Variants in CBLB observed in about 807,000 individuals in gnomAD.
The protein encoded by CBLB is Cbl proto-oncogene B, also known as E3 ubiquitin-protein ligase CBL-B.
CBLB carries 31 observed loss-of-function variants against 104.9 expected under a neutral mutation model. That is an observed-to-expected ratio of 0.30 (90% confidence interval 0.22 to 0.40). The LOEUF (loss-of-function observed/expected upper bound fraction) is 0.40, where lower values mean the gene tolerates loss of function less well. CBLB is among the 10% of genes least tolerant of loss of function. CBLB has a pLI of 1.00. For missense variants in CBLB, 1,062 were observed against 1,214.6 expected (o/e 0.87, Z 1.87); for synonymous variants, 440 against 422.6 (o/e 1.04, Z -0.51).
At chr3:105,829,108 A>G (rs1443103) in intron 3 of CBLB, among the ~76,000 whole-genome samples, 118,418 of 151,616 alleles carry the variant, frequency 0.78, 46,988 homozygotes, top group Non-Finnish European at 0.86. Flanking sequence ...CTGTCCTCCC[A>G]TGTAATGAAT....
intron 4 of CBLB, among the ~76,000 whole-genome samples, chr3:105,755,325 G>A (rs1291853378): frequency 6.6e-6 from 1 of 152,078 alleles, no homozygotes; most frequent in Non-Finnish European, 1.5e-5. Flanking sequence ...CAGATGCAGG[G>A]AAATAAATCT....
chr3:105,745,121 G>A, intron 6 of CBLB, among the ~76,000 whole-genome samples: 1 of 152,294 alleles, frequency 6.6e-6, no homozygotes, highest in East Asian at 1.9e-4. Context: ...TCTGAAATGT[G>A]AGGACTCTGA....
chr3:105,776,844 T>C (rs1360603671), intron 3 of CBLB, among the ~76,000 whole-genome samples: 1 of 152,006 alleles, frequency 6.6e-6, no homozygotes, highest in African/African-American at 2.4e-5. Flanking sequence ...AGATGGACAC[T>C]TAAAAAATTA....
intron 6 of CBLB, among the ~76,000 whole-genome samples, chr3:105,742,542 A>T (rs2075713162): frequency 6.6e-6 from 1 of 152,206 alleles, no homozygotes; most frequent in African/African-American, 2.4e-5. Context: ...GGCATTCTTA[A>T]TCAAAATCAG....
At chr3:105,854,127 A>T (rs2091293189) in intron 2 of CBLB, among the ~76,000 whole-genome samples, 1 of 152,166 alleles carries the variant, frequency 6.6e-6, no homozygotes, top group African/African-American at 2.4e-5. Flanking sequence ...AACCCCGAGG[A>T]CAATAAAACA....
intron 17 of CBLB, chr3:105,672,412 T>C (rs1323284949): frequency 5.7e-6 from 1 of 176,822 alleles, no homozygotes; most frequent in Non-Finnish European, 1.2e-5. Flanking sequence ...TTGTCAGCCA[T>C]AGGGTAAACT....
Position 105,734,051 on chromosome 3 carries a change from A to T in CBLB, c.1161T>A (p.Pro387=). 1 of 1,614,074 alleles carries T rather than the reference A, an allele frequency of 6.2e-7. No individual in the cohort carries two copies. The highest frequency in any genetic ancestry group is 1.3e-5 in the African/African-American group (1 of 75,052). Residue 387 remains proline (P), a synonymous_variant, in exon 9 of 19, where the codon CCT becomes CCA. Coordinates refer to ENST00000394030, the MANE Select transcript of CBLB (RefSeq NM_170662.5). ...AAGAGGTGCACATCAAATGCCCACA[A>T]GGCTCAATCTTGACATCTTTGTCAT... ...AENDKDVKIE[P]CGHLMCTSCL...
chr3:105,682,180 T>C (rs987431930), intron 14 of CBLB: 15 of 219,834 alleles, frequency 6.8e-5, no homozygotes, highest in African/African-American at 2.3e-4. Flanking sequence ...CAAAAACATA[T>C]AGCAGTCTCA....
chr3:105,834,612 C>G (rs1215369268), intron 3 of CBLB, among the ~76,000 whole-genome samples: 1 of 151,988 alleles, frequency 6.6e-6, no homozygotes, highest in Non-Finnish European at 1.5e-5. Flanking sequence ...GACAAGATTG[C>G]GCCACTGCAC....
rs1484854521 is a variant in CBLB, at chr3:105,720,142, T to C, written c.1312A>G (p.Ile438Val). The change falls in exon 10 of 19, where the codon ATC (isoleucine) becomes GTC (valine). Residue 438 changes from isoleucine to valine, a missense_variant. By Grantham distance (29) the Ile-to-Val change is conservative. This residue lies in a region of CBLB where 457 missense variants were observed against 632.0 expected (regional missense o/e 0.72). Coordinates refer to ENST00000394030, the MANE Select transcript of CBLB (RefSeq NM_170662.5). ...PRDEGSRCCS[I>V]IDPFGMPMLD... ...ATCGGCATGCCAAAGGGGTCAATGA[T>C]GCTGCAACACCTGGAGCCTTCATCT... The C allele has an allele frequency of 6.2e-7, 1 of 1,613,966 alleles. No homozygotes were observed. The highest frequency in any genetic ancestry group is 1.7e-5 in the Admixed American group (1 of 59,994).
chr3:105,798,893 G>T (rs1018700194), intron 3 of CBLB, among the ~76,000 whole-genome samples: 4 of 152,140 alleles, frequency 2.6e-5, no homozygotes, highest in African/African-American at 9.7e-5. Context: ...TTATGCTGTT[G>T]TTCTGGATGG....
Position 105,657,566 on chromosome 3 carries a change from G to A in CBLB, c.*1404C>T, listed in dbSNP as rs566116983. 2 of 204,062 alleles carry A rather than the reference G, an allele frequency of 9.8e-6. No individual in the cohort carries two copies. The highest frequency in any genetic ancestry group is 2.3e-5 in the African/African-American group (1 of 43,750). 12.6% of individuals were successfully genotyped at this position (204,062 alleles called of 1,614,324 possible). On this transcript the variant is annotated 3_prime_UTR_variant, in exon 19 of 19. Coordinates refer to ENST00000394030, the MANE Select transcript of CBLB (RefSeq NM_170662.5). ...CAGAAAAACAAAAATAAAACATTAC[G>A]CTGGAATCAGCTTTTGAGAGTTTGT...
chr3:105,829,289 G>A (rs868828042), intron 3 of CBLB, among the ~76,000 whole-genome samples: 6 of 151,970 alleles, frequency 3.9e-5, no homozygotes, highest in South Asian at 4.2e-4. Context: ...TAAAATAAAC[G>A]TAACGAATAC....
chr3:105,805,321 G>A (rs866857700), intron 3 of CBLB, among the ~76,000 whole-genome samples: 4 of 58,664 alleles, frequency 6.8e-5, no homozygotes, highest in African/African-American at 2.9e-4. Context: ...TTTTTTTTTT[G>A]AGAGGGAGTC....
chr3:105,786,061 C>CGGGGGGGGGGGGGG (rs76857199), intron 3 of CBLB, among the ~76,000 whole-genome samples: 1 of 79,194 alleles, frequency 1.3e-5, no homozygotes, highest in African/African-American at 4.3e-5. Context: ...GTGAGAGGAT[C>CGGGGGGGGGGGGGG]GGGGGGGGGA....
At chr3:105,810,502 T>A (rs1019820427) in intron 3 of CBLB, among the ~76,000 whole-genome samples, 6 of 152,108 alleles carry the variant, frequency 3.9e-5, no homozygotes, top group African/African-American at 1.4e-4. Context: ...TTTGCACGGG[T>A]ATAACTTAAA....
chr3:105,664,045 C>T (rs890134211), intron 18 of CBLB, among the ~76,000 whole-genome samples: 1 of 151,820 alleles, frequency 6.6e-6, no homozygotes, highest in Non-Finnish European at 1.5e-5. Flanking sequence ...AATTATTTTG[C>T]CACAAAAAGT....
intron 5 of CBLB, among the ~76,000 whole-genome samples, chr3:105,747,239 G>T (rs1209581260): frequency 6.6e-6 from 1 of 151,986 alleles, no homozygotes; most frequent in African/African-American, 2.4e-5. Context: ...TGATGTGCCA[G>T]ATTATTAAAT....
At chr3:105,822,038 T>C (rs904354312) in intron 3 of CBLB, among the ~76,000 whole-genome samples, 3 of 152,168 alleles carry the variant, frequency 2.0e-5, no homozygotes, top group African/African-American at 7.2e-5. Flanking sequence ...AATGGAAATG[T>C]TTCATCATAT....
Sources: gnomAD v4.1 joint callset for allele counts (sites outside exome capture counted in the v4.1 genomes callset) on GRCh38, gnomAD v4.1.1 for gene constraint, gnomAD v4.1.1 regional missense constraint, MANE v1.5 for transcripts, NCBI Gene and HGNC (gene_info 2026-07-23, HGNC 2026-07-21) for gene names.